Variants in DAB1 observed in about 807,000 individuals in gnomAD.
The protein encoded by DAB1 is DAB adaptor protein 1.
Under a neutral mutation model 64.6 loss-of-function variants are expected in DAB1, and 15 were observed. The observed-to-expected ratio is 0.23, with a 90% CI of 0.16 to 0.36. DAB1 has a LOEUF of 0.36. DAB1 is among the 10% of genes least tolerant of loss of function. DAB1 has a pLI of 1.00. For missense variants in DAB1, 596 were observed against 706.7 expected (o/e 0.84, Z 1.78); for synonymous variants, 235 against 251.9 (o/e 0.93, Z 0.64).
intron 5 of DAB1, among the ~76,000 whole-genome samples, chr1:58,106,836 C>G (rs962465585): frequency 6.9e-6 from 1 of 145,578 alleles, no homozygotes; most frequent in African/African-American, 2.6e-5. Flanking sequence ...CCCTCCCTCC[C>G]TCCTTCATCC....
chr1:57,084,321 C>T, intron 4 of DAB1, among the ~76,000 whole-genome samples: 1 of 152,128 alleles, frequency 6.6e-6, no homozygotes, highest in Admixed American at 6.5e-5. Flanking sequence ...AGGCTGCCAG[C>T]AATCCACCAG....
chr1:57,333,744 T>C (rs577097475), intron 1 of DAB1, among the ~76,000 whole-genome samples: 1 of 152,330 alleles, frequency 6.6e-6, no homozygotes, highest in East Asian at 1.9e-4. Context: ...AATAAAGTAA[T>C]ATCTATTAAC....
intron 5 of DAB1, among the ~76,000 whole-genome samples, chr1:58,042,147 A>T (rs138800221): frequency 0.013 from 1,981 of 152,342 alleles, 25 homozygotes; most frequent in Non-Finnish European, 0.016. Flanking sequence ...GCACATAGCC[A>T]TGAACAAAGA....
intron 5 of DAB1, among the ~76,000 whole-genome samples, chr1:57,921,907 T>C (rs552583401): frequency 1.3e-5 from 2 of 152,312 alleles, no homozygotes; most frequent in Admixed American, 6.5e-5. Flanking sequence ...CTTCTTGATC[T>C]TTCTGCTCCA....
chr1:57,443,877 C>A (rs1246686532), intron 7 of DAB1, among the ~76,000 whole-genome samples: 2 of 152,186 alleles, frequency 1.3e-5, no homozygotes, highest in Non-Finnish European at 2.9e-5. Flanking sequence ...AACATGTGTT[C>A]CAAATATTAG....
intron 5 of DAB1, among the ~76,000 whole-genome samples, chr1:57,938,619 C>A (rs184339777): frequency 6.6e-6 from 1 of 152,290 alleles, no homozygotes. Context: ...CCTCCCCAAC[C>A]ATGCAGAACT....
intron 7 of DAB1, among the ~76,000 whole-genome samples, chr1:57,431,149 A>C (rs1685496103): frequency 1.3e-5 from 2 of 151,576 alleles, no homozygotes; most frequent in Non-Finnish European, 2.9e-5. Context: ...AAAACAAAAA[A>C]AAAAAAAAGA....
At chr1:58,221,068 T>C (rs1304828576) in intron 4 of DAB1, among the ~76,000 whole-genome samples, 1 of 150,204 alleles carries the variant, frequency 6.7e-6, no homozygotes, top group African/African-American at 2.5e-5. Flanking sequence ...CTGTTGTTGA[T>C]GGGTCTTTTA....
intron 6 of DAB1, among the ~76,000 whole-genome samples, chr1:57,741,945 GT>G (rs1648014463): frequency 6.6e-6 from 1 of 152,186 alleles, no homozygotes; most frequent in African/African-American, 2.4e-5. Context: ...CCTTGTTACA[GT>G]TTTCGAGTGC....
intron 1 of DAB1, among the ~76,000 whole-genome samples, chr1:57,855,554 C>T (rs1653714357): frequency 6.6e-6 from 1 of 151,988 alleles, no homozygotes; most frequent in South Asian, 2.1e-4. Flanking sequence ...GATATAGGGA[C>T]ATAGGGACAG....
chr1:57,077,268 C>G (rs1652073266), intron 4 of DAB1, among the ~76,000 whole-genome samples: 1 of 152,200 alleles, frequency 6.6e-6, no homozygotes, highest in African/African-American at 2.4e-5. Context: ...TGTTTTCTCT[C>G]TCTCCTTCAG....
chr1:57,101,765 A>G lies in DAB1; in HGVS notation c.307-29351T>C, dbSNP rs559489516. 3.3e-5 allele frequency among the ~76,000 whole-genome samples: 5 copies of G among 152,330 alleles called. No individual in the cohort carries two copies. In the South Asian group the frequency reaches 6.2e-4, roughly 19 times the overall value. On this transcript the variant is annotated intron_variant, in intron 4 of 14. Coordinates refer to ENST00000371236, the MANE Select transcript of DAB1 (RefSeq NM_001365792.1). The stretch of plus-strand genomic sequence containing the variant: ...GAGAATAAATAGCTGACATTCAGTA[A>G]GCACTTTCTATGTGCCAGGCATCTT...
chr1:57,193,394 T>G (rs961606146), intron 2 of DAB1, among the ~76,000 whole-genome samples: 1 of 136,988 alleles, frequency 7.3e-6, no homozygotes, highest in Admixed American at 7.4e-5. Flanking sequence ...TTTTTTTTTT[T>G]TTTTTTTTTT....
At chr1:57,287,635 A>T (rs1672423186) in intron 2 of DAB1, among the ~76,000 whole-genome samples, 1 of 152,196 alleles carries the variant, frequency 6.6e-6, no homozygotes, top group South Asian at 2.1e-4. Context: ...AAAATTCAAT[A>T]TCAGTATATA....
intron 5 of DAB1, chr1:58,056,464 CTTCTT>C: frequency 1.4e-6 from 2 of 1,469,078 alleles, no homozygotes; most frequent in Non-Finnish European, 1.9e-6. Flanking sequence ...ACCATTGTTC[CTTCTT>C]TTCTTTGTCA....
At chr1:58,521,534 A>G (rs889122429) in intron 2 of DAB1, among the ~76,000 whole-genome samples, 3 of 151,804 alleles carry the variant, frequency 2.0e-5, no homozygotes, top group African/African-American at 7.2e-5. Context: ...AAAATCTAGC[A>G]AAAAAAAGAC....
At chr1:57,323,129 G>A (rs1558164934) in intron 1 of DAB1, among the ~76,000 whole-genome samples, 1 of 152,062 alleles carries the variant, frequency 6.6e-6, no homozygotes, top group Non-Finnish European at 1.5e-5. Context: ...GAAAGGGCAT[G>A]GATATACCAC....
chr1:58,330,493 G>T (rs968253812), intron 4 of DAB1, among the ~76,000 whole-genome samples: 5 of 152,198 alleles, frequency 3.3e-5, no homozygotes, highest in African/African-American at 1.2e-4. Flanking sequence ...CAATTTAGAT[G>T]AAATAGCTTT....
intron 5 of DAB1, among the ~76,000 whole-genome samples, chr1:58,139,849 T>C (rs1433999069): frequency 1.3e-5 from 2 of 152,208 alleles, no homozygotes; most frequent in South Asian, 2.1e-4. Flanking sequence ...CAGGGATGCT[T>C]TGGGGATTAA....
Sources: gnomAD v4.1 joint callset for allele counts (sites outside exome capture counted in the v4.1 genomes callset) on GRCh38, gnomAD v4.1.1 for gene constraint, MANE v1.5 for transcripts, NCBI Gene and HGNC (gene_info 2026-07-23, HGNC 2026-07-21) for gene names.